The following PLD5 variants were observed in gnomAD, a reference collection of about 807,000 sequenced individuals.
PLD5 encodes the protein inactive phospholipase D5.
In PLD5, 36 loss-of-function variants were observed where a neutral mutation model predicts 61.1. The ratio of observed to expected loss-of-function variants is 0.59; its 90% CI spans 0.45 to 0.78. PLD5 has a LOEUF of 0.78. Ranked by LOEUF, PLD5 falls within the 30% of genes least tolerant of loss-of-function variation. The probability of loss-of-function intolerance (pLI) is 0.00; values close to 1 mark genes in which losing one functional copy is unlikely to be tolerated. For synonymous variants in PLD5, 243 were observed against 242.8 expected (o/e 1.00, Z -0.01); for missense variants, 515 against 644.4 (o/e 0.80, Z 2.17).
At chr1:242,336,203 A>C (rs1186448797) in intron 2 of PLD5, among the ~76,000 whole-genome samples, 1 of 152,220 alleles carries the variant, frequency 6.6e-6, no homozygotes, top group Non-Finnish European at 1.5e-5. Flanking sequence ...AAATAATCAT[A>C]ACATTAATGA....
At chr1:242,221,934 A>G (rs983291044) in intron 4 of PLD5, among the ~76,000 whole-genome samples, 1 of 152,190 alleles carries the variant, frequency 6.6e-6, no homozygotes, top group Non-Finnish European at 1.5e-5. Context: ...GACTTAAAAC[A>G]GCAGAAACTT....
chr1:242,425,336 A>G (rs1375384077), intron 1 of PLD5, among the ~76,000 whole-genome samples: 1 of 152,174 alleles, frequency 6.6e-6, no homozygotes, highest in African/African-American at 2.4e-5. Context: ...TGTCCTGAAT[A>G]CCGTAGGGAA....
At chr1:242,169,133 A>G (rs1666554583) in intron 5 of PLD5, among the ~76,000 whole-genome samples, 1 of 152,088 alleles carries the variant, frequency 6.6e-6, no homozygotes, top group Non-Finnish European at 1.5e-5. Context: ...AAACATGAAA[A>G]AAGGGTATGG....
intron 4 of PLD5, among the ~76,000 whole-genome samples, chr1:242,263,575 A>G (rs73140756): frequency 0.57 from 86,010 of 150,470 alleles, 25,368 homozygotes; most frequent in East Asian, 0.77. Flanking sequence ...GCCTACCATC[A>G]CTACCTAGAA....
chr1:242,213,344 G>A (rs1408239260), intron 5 of PLD5, among the ~76,000 whole-genome samples: 1 of 152,110 alleles, frequency 6.6e-6, no homozygotes, highest in Non-Finnish European at 1.5e-5. Flanking sequence ...TTTCCTGATT[G>A]TAAGGTTATT....
intron 1 of PLD5, among the ~76,000 whole-genome samples, chr1:242,416,709 C>T (rs375825835): frequency 2.0e-5 from 3 of 152,122 alleles, no homozygotes; most frequent in Non-Finnish European, 4.4e-5. Context: ...CATTAAAAAC[C>T]AAAACAAATA....
intron 3 of PLD5, among the ~76,000 whole-genome samples, chr1:242,266,317 G>C (rs745833470): frequency 6.6e-6 from 1 of 152,170 alleles, no homozygotes; most frequent in Admixed American, 6.5e-5. Context: ...GGAGGCAGAG[G>C]TTACAGTGAA....
At position 242,393,708 on chromosome 1, in the gene PLD5, G is replaced by A. The variant is rs141623946; in HGVS notation, c.190-45466C>T. Among the ~76,000 whole-genome samples, 726 of 83,184 alleles carry A rather than the reference G, an allele frequency of 8.7e-3. 32 individuals carry two copies. The highest frequency in any genetic ancestry group is 0.017 in the African/African-American group (396 of 23,456). The allele number at this position is 83,184 out of a possible 152,430, so 54.6% of individuals were successfully genotyped here. On this transcript the variant is annotated intron_variant, in intron 1 of 9. Coordinates refer to ENST00000536534, the MANE Select transcript of PLD5 (RefSeq NM_001372062.1). ...TGTATATATATGAGTATATATGTGT[G>A]TATATATGAGTATATATGTGTGTAT...
At chr1:242,312,242 TTTTAA>T (rs1235075558) in intron 2 of PLD5, among the ~76,000 whole-genome samples, 2 of 151,840 alleles carry the variant, frequency 1.3e-5, no homozygotes, top group Admixed American at 6.6e-5. Context: ...AGATTTTTTT[TTTTAA>T]TTTTAATGTC....
At chr1:242,499,864 GTGACTGGAATAGC>G (rs1668496945) in intron 1 of PLD5, among the ~76,000 whole-genome samples, 2 of 152,166 alleles carry the variant, frequency 1.3e-5, no homozygotes, top group South Asian at 4.1e-4. Context: ...GTTGCTGGGA[GTGACTGGAATAGC>G]TAACTACAGG....
At chr1:242,170,790 G>A (rs1427096276) in intron 5 of PLD5, among the ~76,000 whole-genome samples, 2 of 152,036 alleles carry the variant, frequency 1.3e-5, no homozygotes, top group African/African-American at 4.8e-5. Flanking sequence ...ATCGATCAAG[G>A]GGAATAAAGG....
intron 1 of PLD5, among the ~76,000 whole-genome samples, chr1:242,400,379 G>A (rs1663859790): frequency 6.6e-6 from 1 of 151,546 alleles, no homozygotes; most frequent in Non-Finnish European, 1.5e-5. Context: ...CCACTATTCA[G>A]GCTTAAGGAA....
intron 3 of PLD5, among the ~76,000 whole-genome samples, chr1:242,271,298 A>T (rs1317282407): frequency 2.6e-5 from 4 of 151,052 alleles, no homozygotes; most frequent in Non-Finnish European, 4.4e-5. Flanking sequence ...GAGATACAGC[A>T]TGTGGCTCAT....
intron 1 of PLD5, among the ~76,000 whole-genome samples, chr1:242,373,665 C>T (rs1255686530): frequency 6.6e-6 from 1 of 152,008 alleles, no homozygotes; most frequent in Non-Finnish European, 1.5e-5. Context: ...ATGGATGAAA[C>T]TGGAAATCAT....
chr1:242,173,009 T>A (rs1421110687), intron 5 of PLD5, among the ~76,000 whole-genome samples: 1 of 151,920 alleles, frequency 6.6e-6, no homozygotes, highest in African/African-American at 2.4e-5. Flanking sequence ...AGGGATGCCC[T>A]CTCTCACCAC....
intron 4 of PLD5, among the ~76,000 whole-genome samples, chr1:242,229,155 A>G (rs1175101309): frequency 1.3e-5 from 2 of 152,198 alleles, no homozygotes; most frequent in South Asian, 4.1e-4. Context: ...CAAAATAAAC[A>G]TCCTGTCAAA....
chr1:242,366,961 A>G (rs902428692), intron 1 of PLD5, among the ~76,000 whole-genome samples: 1 of 152,198 alleles, frequency 6.6e-6, no homozygotes, highest in African/African-American at 2.4e-5. Context: ...GATTTGCAAA[A>G]TTAGACATGC....
chr1:242,527,197 C>G (rs775775639), upstream of PLD5, among the ~76,000 whole-genome samples: 3 of 131,404 alleles, frequency 2.3e-5, no homozygotes, highest in Non-Finnish European at 4.7e-5. Context: ...GTGGTTCCAT[C>G]TCGGCTCACT....
intron 5 of PLD5, among the ~76,000 whole-genome samples, chr1:242,168,230 A>T (rs562756274): frequency 6.6e-6 from 1 of 152,364 alleles, no homozygotes; most frequent in Admixed American, 6.5e-5. Context: ...ATGTCTTTAT[A>T]CTACCAGGGT....
Sources: allele counts gnomAD v4.1 joint callset (sites outside exome capture counted in the v4.1 genomes callset), GRCh38; gene constraint gnomAD v4.1.1; transcripts MANE v1.5; gene names NCBI Gene and HGNC (gene_info 2026-07-23, HGNC 2026-07-21).